The following AMACR variants were observed in gnomAD, a reference collection of about 807,000 sequenced individuals.
AMACR encodes the protein 2-methylacyl-CoA racemase.
A neutral mutation model predicts 22.2 loss-of-function variants in AMACR; 18 were observed. The observed-to-expected ratio is 0.81, with a 90% CI of 0.56 to 1.20. The LOEUF is 1.20. AMACR is among the 50% of genes most tolerant of loss of function. The pLI, the probability that AMACR is intolerant of heterozygous loss-of-function variation, is 0.00. For synonymous variants in AMACR, 213 were observed against 191.3 expected (o/e 1.11, Z -0.94); for missense variants, 499 against 490.6 (o/e 1.02, Z -0.16).
In AMACR at chr5:33,988,949, GAATCAGAGTCTGT is replaced by G; in HGVS notation, c.*131_*143del. ...TTTTTAGAATTCAATCATCACTGTA[GAATCAGAGTCTGT>G]AATTCTTTTCTTGATTAGAGTGGTA... is the stretch of plus-strand genomic sequence containing the variant. On this transcript the variant is annotated 3_prime_UTR_variant, in exon 5 of 5. Coordinates refer to ENST00000335606, the MANE Select transcript of AMACR (RefSeq NM_014324.6). 6.7e-7 allele frequency: 1 copy of G among 1,488,744 alleles called. No individual in the cohort carries two copies. Among genetic ancestry groups the G allele is most frequent in the Non-Finnish European group, 8.9e-7 (1 of 1,123,080 alleles). 92.2% of individuals were successfully genotyped at this position (1,488,744 alleles called of 1,614,324 possible).
At chr5:33,991,135 G>A (rs1364721694) in intron 4 of AMACR, among the ~76,000 whole-genome samples, 2 of 152,190 alleles carry the variant, frequency 1.3e-5, no homozygotes, top group Non-Finnish European at 2.9e-5. Context: ...GAGCCAATGT[G>A]TTCTCTCTTT....
At chr5:33,997,315 T>C (rs1753671273) in intron 4 of AMACR, 1 of 773,874 alleles carries the variant, frequency 1.3e-6, no homozygotes, top group Non-Finnish European at 2.4e-6. Flanking sequence ...CCCAGCAGCC[T>C]GAGTGTAACA....
chr5:33,993,987 T>C (rs1753562541), intron 4 of AMACR: 2 of 451,332 alleles, frequency 4.4e-6, no homozygotes, highest in South Asian at 1.6e-5. Context: ...CAAAATGTCA[T>C]AAAATTCTCA....
In AMACR at chr5:33,987,197, T is replaced by C. The variant is rs1364964707; in HGVS notation, c.*1896A>G. On this transcript the variant is annotated 3_prime_UTR_variant, in exon 5 of 5. Transcript: ENST00000335606. ...TACCTGGATAATTTTTTTATTTTTA[T>C]TTCGTAGAAACGGAGGTCCAGCCAA... The C allele has an allele frequency of 6.6e-6, 1 of 152,286 alleles. No individual in the cohort carries two copies. Among genetic ancestry groups the C allele is most frequent in the Non-Finnish European group, 1.5e-5 (1 of 68,054 alleles). 9.4% of individuals were successfully genotyped at this position (152,286 alleles called of 1,614,324 possible).
Position 33,989,019 on chromosome 5 carries a change from A to G in AMACR, c.*74T>C. 6.2e-7 allele frequency: 1 copy of G among 1,602,334 alleles called. No individual in the cohort carries two copies. The highest frequency in any genetic ancestry group is 1.1e-5 in the South Asian group (1 of 88,882). On this transcript the variant is annotated 3_prime_UTR_variant, in exon 5 of 5. Transcript: ENST00000335606. ...TGTAATACTGTTCCTCCATGTTTCCATGCATACAATGTTATGTGTTACTCT... is the reference window on the plus strand; with the variant it reads ...TGTAATACTGTTCCTCCATGTTTCCGTGCATACAATGTTATGTGTTACTCT...
intron 4 of AMACR, among the ~76,000 whole-genome samples, chr5:33,993,141 C>T (rs909638645): frequency 8.5e-5 from 13 of 152,200 alleles, no homozygotes; most frequent in African/African-American, 3.1e-4. Flanking sequence ...TGAACTTGAC[C>T]ACTTTAGACA....
At chr5:33,994,925 T>C (rs1270480911) in intron 4 of AMACR, among the ~76,000 whole-genome samples, 1 of 152,218 alleles carries the variant, frequency 6.6e-6, no homozygotes, top group East Asian at 1.9e-4. Flanking sequence ...AGTGTGGATA[T>C]GAAAAATGAG....
rs1255639836 is a variant in AMACR, at chr5:34,005,017, ATTAT to A, written c.392-287_392-284del. ...TCACTTACTTTTGGAAAAGAAAATG[ATTAT>A]TTATTTTGTGGTTTTAAAACAGTAA... On this transcript the variant is annotated intron_variant, in intron 2 of 4. Coordinates refer to ENST00000335606, the MANE Select transcript of AMACR (RefSeq NM_014324.6). Among the ~76,000 whole-genome samples, 4 of 152,334 alleles carry A rather than the reference ATTAT, an allele frequency of 2.6e-5. No homozygotes were observed. The South Asian group carries it at 6.2e-4, about 24-fold the overall frequency.
chr5:33,993,325 T>C (rs1037128640), intron 4 of AMACR, among the ~76,000 whole-genome samples: 2 of 151,944 alleles, frequency 1.3e-5, no homozygotes, highest in Non-Finnish European at 2.9e-5. Flanking sequence ...CATTCATCTG[T>C]TGATGGACAC....
At chr5:34,000,504 CT>C (rs11429237) in intron 3 of AMACR, among the ~76,000 whole-genome samples, 42 of 147,508 alleles carry the variant, frequency 2.8e-4, no homozygotes, top group Non-Finnish European at 3.0e-4. Context: ...AATATAGGGT[CT>C]TTTTTTTTTT....
At chr5:34,003,880 C>T (rs117474198) in intron 3 of AMACR, among the ~76,000 whole-genome samples, 436 of 152,306 alleles carry the variant, frequency 2.9e-3, no homozygotes, top group East Asian at 0.012. Flanking sequence ...AATGCAAACA[C>T]GCAGTGGTGG....
intron 4 of AMACR, 127 bp from the exon 5 acceptor site, chr5:33,989,629 C>T: frequency 1.2e-6 from 1 of 800,328 alleles, no homozygotes. Context: ...TCAAATGAGT[C>T]AAGAGAAAAA....
At chr5:34,001,697 C>G (rs1166586676) in intron 3 of AMACR, among the ~76,000 whole-genome samples, 1 of 152,220 alleles carries the variant, frequency 6.6e-6, no homozygotes. Context: ...ACTACAGTTT[C>G]CAAGGAAACA....
intron 1 of AMACR, among the ~76,000 whole-genome samples, chr5:34,006,203 T>C (rs1420246045): frequency 6.6e-6 from 1 of 152,226 alleles, no homozygotes; most frequent in Non-Finnish European, 1.5e-5. Context: ...TTTTCTCTTT[T>C]TCTATACCGC....
intron 2 of AMACR, among the ~76,000 whole-genome samples, 171 bp from the exon 3 acceptor site, chr5:34,004,905 T>C (rs1753926738): frequency 6.6e-6 from 1 of 152,220 alleles, no homozygotes. Flanking sequence ...ATAAACAGGC[T>C]TTCCCTCAAG....
chr5:34,007,976 G>A lies in AMACR; in HGVS notation c.44C>T (p.Ala15Val). ...GISVVELSGLAPGPFCAMVLA... is the reference protein window; with the variant it reads ...GISVVELSGLVPGPFCAMVLA... ...GACCATAGCACAGAACGGGCCCGGG[G>A]CCAGGCCGGACAGCTCCACGACCGA... The change falls in exon 1 of 5, where the codon GCC (alanine) becomes GTC (valine). Residue 15 changes from alanine to valine, a missense_variant. Transcript: ENST00000335606. 1 of 1,611,484 alleles carries A rather than the reference G, an allele frequency of 6.2e-7. No homozygotes were observed.
intron 4 of AMACR, chr5:33,997,629 A>G: frequency 1.4e-6 from 1 of 706,838 alleles, no homozygotes; most frequent in Non-Finnish European, 2.6e-6. Context: ...ATGAGCAGCC[A>G]GAGCTTCCAA....
At position 33,988,231 on chromosome 5, in the gene AMACR, G is replaced by T; in HGVS notation, c.*862C>A. 1 of 1,285,394 alleles carries T rather than the reference G, an allele frequency of 7.8e-7. No homozygotes were observed. Among genetic ancestry groups the T allele is most frequent in the Non-Finnish European group, 1.1e-6 (1 of 930,660 alleles). 79.6% of individuals were successfully genotyped at this position (1,285,394 alleles called of 1,614,324 possible). On this transcript the variant is annotated 3_prime_UTR_variant, in exon 5 of 5. Coordinates refer to ENST00000335606, the MANE Select transcript of AMACR (RefSeq NM_014324.6). ...AGACAATCCCGTCTTCTTTGTCAAAGACAGGTATAAGAAAGGCTTGTAACT... is the reference window on the plus strand; with the variant it reads ...AGACAATCCCGTCTTCTTTGTCAAATACAGGTATAAGAAAGGCTTGTAACT...
chr5:34,006,342 G>A (rs939106480), intron 1 of AMACR, among the ~76,000 whole-genome samples: 1 of 152,184 alleles, frequency 6.6e-6, no homozygotes, highest in Non-Finnish European at 1.5e-5. Context: ...AAAGTGCCTA[G>A]CATCAGTACC....
Sources: gnomAD v4.1 joint callset for allele counts (sites outside exome capture counted in the v4.1 genomes callset) on GRCh38, gnomAD v4.1.1 for gene constraint, MANE v1.5 for transcripts, NCBI Gene and HGNC (gene_info 2026-07-23, HGNC 2026-07-21) for gene names.